The following VIPAS39 variants were observed in gnomAD, a reference collection of about 807,000 sequenced individuals.
VIPAS39 encodes the protein VPS33B interacting protein, apical-basolateral polarity regulator, spe-39 homolog.
Under a neutral mutation model 84.7 loss-of-function variants are expected in VIPAS39, and 63 were observed. That is an observed-to-expected ratio of 0.74 (90% CI 0.61 to 0.92). The LOEUF is 0.92. Among genes scored for constraint, VIPAS39 ranks in the 40% least tolerant of loss-of-function variants. VIPAS39 has a pLI of 0.00. For missense variants in VIPAS39, 499 were observed against 604.5 expected (o/e 0.83, Z 1.83); for synonymous variants, 192 against 216.5 (o/e 0.89, Z 0.99).
rs1468364252 is a variant in VIPAS39 at position 77,426,786 on chromosome 14, A to G, written c.*830T>C. The G allele has an allele frequency of 6.6e-6, 1 of 152,262 alleles. No individual in the cohort carries two copies. Among genetic ancestry groups the G allele is most frequent in the Non-Finnish European group, 1.5e-5 (1 of 68,046 alleles). 9.4% of individuals were successfully genotyped at this position (152,262 alleles called of 1,614,324 possible). ...GGTACAGAGCAAGAATCCAAGTGTG[A>G]AAATAAAACCTCCATCTAAATATCC... On this transcript the variant is annotated 3_prime_UTR_variant, in exon 20 of 20. Transcript: ENST00000557658.
rs1296621923 is a variant in VIPAS39, at chr14:77,429,186, A to T, written c.1267-91T>A. 9.7e-6 allele frequency: 11 copies of T among 1,139,282 alleles called. 1 individual carries two copies. The South Asian group carries it at 1.1e-4, about 12-fold the overall frequency. The allele number at this position is 1,139,282 out of a possible 1,614,324, so 70.6% of individuals were successfully genotyped here. A position where few individuals can be genotyped will look rare whatever the true frequency, so the allele number is the denominator to read the frequency against. ...GAAAAGAAAGTCCTGAAGAAGGCAAAAGAGTTCAATAGCTAATGTTTCCAG... is the reference window on the plus strand; with the variant it reads ...GAAAAGAAAGTCCTGAAGAAGGCAATAGAGTTCAATAGCTAATGTTTCCAG... On this transcript the variant is annotated intron_variant, in intron 17 of 19. Transcript: ENST00000557658.
At chr14:77,455,207 G>A (rs546993505) in intron 1 of VIPAS39, among the ~76,000 whole-genome samples, 93 of 152,290 alleles carry the variant, frequency 6.1e-4, no homozygotes, top group African/African-American at 2.2e-3. Flanking sequence ...ACTAGGCAGG[G>A]CACAGTGGCT....
At position 77,448,930 on chromosome 14, in the gene VIPAS39, A is replaced by G. The variant is rs1453345058; in HGVS notation, c.447+363T>C. Among the ~76,000 whole-genome samples, 4 of 152,342 alleles carry G rather than the reference A, an allele frequency of 2.6e-5. No homozygotes were observed. In the East Asian group the frequency reaches 7.7e-4, roughly 29 times the overall value. ...GACATGTTCCTTTTCCGACCTTAGG[A>G]TATGGTTTCTTCCTTATGAATCAAT... On this transcript the variant is annotated intron_variant, in intron 6 of 19. Transcript: ENST00000557658.
At chr14:77,452,499 G>A (rs903962312) in intron 3 of VIPAS39, among the ~76,000 whole-genome samples, 45 of 151,776 alleles carry the variant, frequency 3.0e-4, no homozygotes, top group African/African-American at 1.0e-3. Context: ...ATCAGATGGG[G>A]ACCAGGGATG....
intron 12 of VIPAS39, among the ~76,000 whole-genome samples, chr14:77,437,129 A>G (rs2078625240): frequency 6.6e-6 from 1 of 152,224 alleles, no homozygotes; most frequent in Non-Finnish European, 1.5e-5. Context: ...ATGTCACATG[A>G]GGAATGGTTG....
chr14:77,451,092 TA>T, intron 4 of VIPAS39, 94 bp downstream of exon 4: 1 of 1,577,430 alleles, frequency 6.3e-7, no homozygotes. Flanking sequence ...TACCCTTCAA[TA>T]ATCTTTTTCT....
At chr14:77,443,786 T>A (rs1267299653) in intron 8 of VIPAS39, among the ~76,000 whole-genome samples, 1 of 151,356 alleles carries the variant, frequency 6.6e-6, no homozygotes, top group Non-Finnish European at 1.5e-5. Flanking sequence ...TCCCAACTAC[T>A]TGGGAGGCTG....
At position 77,457,489 on chromosome 14, in the gene VIPAS39, C is replaced by T. The variant is rs761217427; in HGVS notation, c.-1+6G>A. On this transcript the variant is annotated splice_donor_region_variant and intron_variant, in intron 1 of 19. Transcript: ENST00000557658. The stretch of plus-strand genomic sequence containing the variant: ...ACGCGACCCAAGGGGCTTGGGACAC[C>T]CTCACCTCTTCCGCACAGAGCCCTC... The T allele has an allele frequency of 4.0e-5, 49 of 1,225,418 alleles. No homozygotes were observed. The highest frequency in any genetic ancestry group is 6.0e-5 in the African/African-American group (4 of 66,702). The allele number at this position is 1,225,418 out of a possible 1,614,324, so 75.9% of individuals were successfully genotyped here. A position where few individuals can be genotyped will look rare whatever the true frequency, so the allele number is the denominator to read the frequency against.
At chr14:77,444,700 G>A (rs2139835635) in intron 7 of VIPAS39, among the ~76,000 whole-genome samples, 1 of 152,012 alleles carries the variant, frequency 6.6e-6, no homozygotes, top group South Asian at 2.1e-4. Context: ...AGCGTCCTAA[G>A]TAGCTGGGAC....
chr14:77,435,777 C>T, intron 13 of VIPAS39, 67 bp downstream of exon 13: 1 of 1,544,938 alleles, frequency 6.5e-7, no homozygotes, highest in Non-Finnish European at 9.0e-7. Flanking sequence ...GCATAGAAAT[C>T]TCCTAGATGC....
At chr14:77,429,629 A>C in intron 17 of VIPAS39, 52 bp downstream of exon 17, 1 of 1,578,660 alleles carries the variant, frequency 6.3e-7, no homozygotes, top group South Asian at 1.1e-5. Flanking sequence ...AAGAGGCTTA[A>C]AGTTAGGTCT....
At chr14:77,431,267 A>G (rs8012228) in intron 16 of VIPAS39, among the ~76,000 whole-genome samples, 29,088 of 152,210 alleles carry the variant, frequency 0.19, 3,492 homozygotes, top group East Asian at 0.39. Context: ...ATATTTGTAA[A>G]CCACATATCT....
chr14:77,435,220 C>A, intron 14 of VIPAS39, 39 bp downstream of exon 14: 1 of 1,613,328 alleles, frequency 6.2e-7, no homozygotes, highest in South Asian at 1.1e-5. Context: ...TCTTTTTGTG[C>A]AATGAGAGTT....
At chr14:77,443,216 C>A (rs937784802) in intron 8 of VIPAS39, 64 bp from the exon 9 acceptor site, 1 of 1,589,288 alleles carries the variant, frequency 6.3e-7, no homozygotes, top group South Asian at 1.1e-5. Flanking sequence ...CTGAGCACTA[C>A]AGACACGGGG....
Position 77,435,908 on chromosome 14 carries a change from G to A in VIPAS39, c.848C>T (p.Ser283Leu), listed in dbSNP as rs773894735. 1 of 1,614,132 alleles carries A rather than the reference G, an allele frequency of 6.2e-7. No homozygotes were observed. Among genetic ancestry groups the A allele is most frequent in the Admixed American group, 1.7e-5 (1 of 60,024 alleles). ...FLKTCVGLPF[S>L]AEDSAHIQDH... ...CTGTATGTGTGCGGAATCTTCTGCT[G>A]AAAATGGCAAACTGGTAGAGTGCCA... is the stretch of plus-strand genomic sequence containing the variant. Residue 283 changes from serine (S) to leucine (L), a missense_variant, in exon 13 of 20, where the codon TCA (serine) becomes TTA (leucine). Ser to Leu is a moderately radical substitution (Grantham distance 145). Coordinates refer to ENST00000557658, the MANE Select transcript of VIPAS39 (RefSeq NM_001193315.2).
At position 77,448,563 on chromosome 14, in the gene VIPAS39, C is replaced by T. The variant is rs746915362; in HGVS notation, c.448-13G>A. 6.2e-7 allele frequency: 1 copy of T among 1,613,872 alleles called. No homozygotes were observed. Among genetic ancestry groups the T allele is most frequent in the African/African-American group, 1.3e-5 (1 of 74,906 alleles). On this transcript the variant is annotated splice_polypyrimidine_tract_variant and intron_variant, in intron 6 of 19. Coordinates refer to ENST00000557658, the MANE Select transcript of VIPAS39 (RefSeq NM_001193315.2). ...CATTGCTGTAATCCTGGAATATTAG[C>T]AATACGTGAATCCCAGGAAGTTAAG...
intron 1 of VIPAS39, among the ~76,000 whole-genome samples, chr14:77,456,523 G>C (rs938172509): frequency 6.6e-6 from 1 of 152,132 alleles, no homozygotes; most frequent in African/African-American, 2.4e-5. Flanking sequence ...TTACTCATGG[G>C]GAAAGTGAGG....
chr14:77,453,984 A>G (rs2078922236), intron 2 of VIPAS39, 26 bp downstream of exon 2: 5 of 1,610,590 alleles, frequency 3.1e-6, no homozygotes, highest in Non-Finnish European at 4.2e-6. Context: ...TGTGGAGAAG[A>G]GTACAAACTT....
chr14:77,448,460 C>T, intron 7 of VIPAS39, 34 bp downstream of exon 7: 1 of 1,610,678 alleles, frequency 6.2e-7, no homozygotes, highest in Non-Finnish European at 8.5e-7. Flanking sequence ...TGCCCAGCTT[C>T]CCAAAGAACC....
Sources: gnomAD v4.1 joint callset for allele counts (sites outside exome capture counted in the v4.1 genomes callset) on GRCh38, gnomAD v4.1.1 for gene constraint, MANE v1.5 for transcripts, NCBI Gene and HGNC (gene_info 2026-07-23, HGNC 2026-07-21) for gene names.